SNRK: variants seen among roughly 807,000 people sequenced by gnomAD.
SNRK encodes the protein SNF related kinase.
SNRK carries 3 observed loss-of-function variants against 48.2 expected under a neutral mutation model. The observed-to-expected ratio is 0.06, with a 90% CI of 0.03 to 0.16. The LOEUF (loss-of-function observed/expected upper bound fraction) is 0.16. Among genes scored for constraint, SNRK ranks in the 10% least tolerant of loss-of-function variants. The probability of loss-of-function intolerance (pLI) is 1.00; values close to 1 mark genes in which losing one functional copy is unlikely to be tolerated. For missense variants in SNRK, 627 were observed against 976.0 expected (o/e 0.64, Z 4.76); for synonymous variants, 376 against 366.1 (o/e 1.03, Z -0.31).
At chr3:43,294,738 T>C (rs995922401) in intron 1 of SNRK, among the ~76,000 whole-genome samples, 87 of 151,930 alleles carry the variant, frequency 5.7e-4, no homozygotes, top group Admixed American at 1.6e-3. Flanking sequence ...TTTTTTTTTT[T>C]CTGTTCCACA....
chr3:43,337,078 T>C (rs2091195468), intron 4 of SNRK, among the ~76,000 whole-genome samples: 1 of 151,166 alleles, frequency 6.6e-6, no homozygotes, highest in Admixed American at 6.6e-5. Context: ...ATACCTTTTT[T>C]TTCTATTTTT....
intron 1 of SNRK, among the ~76,000 whole-genome samples, chr3:43,288,221 T>G (rs909866739): frequency 4.6e-5 from 7 of 152,200 alleles, no homozygotes; most frequent in African/African-American, 1.4e-4. Context: ...CAGGAAACTT[T>G]CAGTGCCACC....
At chr3:43,312,237 A>G (rs1040630162) in intron 3 of SNRK, among the ~76,000 whole-genome samples, 1 of 152,214 alleles carries the variant, frequency 6.6e-6, no homozygotes, top group African/African-American at 2.4e-5. Flanking sequence ...ACATGGCTCC[A>G]TATGGATACA....
At chr3:43,340,661 A>G (rs961139534) in intron 5 of SNRK, 162 bp downstream of exon 5, 4 of 665,412 alleles carry the variant, frequency 6.0e-6, no homozygotes, top group Admixed American at 3.0e-5. Context: ...AGGGCCTGAC[A>G]CAGGTTTTTT....
chr3:43,311,240 T>C (rs1019343441), intron 3 of SNRK, among the ~76,000 whole-genome samples: 8 of 152,308 alleles, frequency 5.3e-5, no homozygotes, highest in African/African-American at 1.7e-4. Flanking sequence ...TGTAGAATTA[T>C]AAGGTAGGAA....
At chr3:43,343,077 AACTC>A (rs2091249819) in intron 5 of SNRK, among the ~76,000 whole-genome samples, 1 of 152,190 alleles carries the variant, frequency 6.6e-6, no homozygotes. Flanking sequence ...ACTGACGTCT[AACTC>A]AGCTGCTGTT....
At chr3:43,299,456 G>A (rs988288805) in intron 1 of SNRK, among the ~76,000 whole-genome samples, 3 of 152,148 alleles carry the variant, frequency 2.0e-5, no homozygotes, top group East Asian at 1.9e-4. Context: ...GATTACAGGC[G>A]TGAGCCACCG....
chr3:43,328,799 T>A (rs750694892), intron 3 of SNRK, among the ~76,000 whole-genome samples: 3 of 152,166 alleles, frequency 2.0e-5, no homozygotes, highest in Non-Finnish European at 4.4e-5. Flanking sequence ...GTTTCCCACA[T>A]CTGTTTCACT....
chr3:43,287,447 C>A (rs2090775282), intron 1 of SNRK, among the ~76,000 whole-genome samples: 1 of 152,124 alleles, frequency 6.6e-6, no homozygotes, highest in Non-Finnish European at 1.5e-5. Context: ...CGCATACAGT[C>A]CAGTAGTTTC....
At chr3:43,298,327 CAG>C (rs755249464) in intron 1 of SNRK, among the ~76,000 whole-genome samples, 29 of 152,208 alleles carry the variant, frequency 1.9e-4, no homozygotes, top group East Asian at 3.9e-4. Context: ...AGGGATGAAA[CAG>C]GGGCTGCTGG....
chr3:43,332,476 G>C (rs2091153663), intron 4 of SNRK, 166 bp downstream of exon 4: 2 of 402,012 alleles, frequency 5.0e-6, no homozygotes, highest in African/African-American at 4.1e-5. Flanking sequence ...AGAGTGTTCG[G>C]TCGGCGGGGG....
intron 3 of SNRK, among the ~76,000 whole-genome samples, chr3:43,322,528 A>C (rs1184257653): frequency 6.6e-6 from 1 of 152,170 alleles, no homozygotes; most frequent in Non-Finnish European, 1.5e-5. Context: ...TCAATGACAA[A>C]CTCCCCTATA....
At chr3:43,290,693 A>G (rs899441616) in intron 1 of SNRK, among the ~76,000 whole-genome samples, 1 of 152,202 alleles carries the variant, frequency 6.6e-6, no homozygotes, top group African/African-American at 2.4e-5. Flanking sequence ...CTGCCAGAGT[A>G]ATTTGTTAAA....
intron 1 of SNRK, among the ~76,000 whole-genome samples, chr3:43,296,417 T>TATATATATAC (rs1339143180): frequency 7.8e-6 from 1 of 129,008 alleles, no homozygotes; most frequent in Non-Finnish European, 1.5e-5. Flanking sequence ...TATACTGGCA[T>TATATATATAC]ATATATATAT....
intron 1 of SNRK, among the ~76,000 whole-genome samples, chr3:43,293,276 A>G (rs1018196431): frequency 8.6e-5 from 13 of 151,962 alleles, no homozygotes; most frequent in Admixed American, 8.5e-4. Context: ...TGGGCTGCAT[A>G]CCCTCTTTCT....
At chr3:43,314,685 C>T (rs1419058038) in intron 3 of SNRK, among the ~76,000 whole-genome samples, 1 of 152,098 alleles carries the variant, frequency 6.6e-6, no homozygotes, top group East Asian at 1.9e-4. Context: ...ATCACTCCTG[C>T]TTGTAAGATA....
In SNRK at chr3:43,347,601, G is replaced by A. The variant is rs748036941; in HGVS notation, c.1342G>A (p.Asp448Asn). The part of the protein sequence containing the change: ...GRKCLFRVEE[D>N]EEEDEEDKKP... ...GAAGTGTCTGTTCAGGGTGGAAGAA[G>A]ATGAAGAGGAAGATGAGGAGGACAA... The change falls in exon 7 of 7, where the codon GAT becomes AAT. Residue 448 changes from aspartate to asparagine, a missense_variant. Around this residue, in one of 4 missense-constraint regions of SNRK, gnomAD observed 175 missense variants for 209.7 expected, o/e 0.83. Transcript: ENST00000296088. The surrounding 1 kb of genome is among the most constrained non-coding windows in gnomAD (Gnocchi z 5.4). 1.2e-6 allele frequency: 2 copies of A among 1,614,006 alleles called. No homozygotes were observed. The highest frequency in any genetic ancestry group is 3.3e-5 in the Admixed American group (2 of 60,012).
intron 3 of SNRK, among the ~76,000 whole-genome samples, chr3:43,312,955 A>G (rs186895022): frequency 1.4e-3 from 218 of 152,354 alleles, no homozygotes; most frequent in African/African-American, 3.6e-3. Context: ...TGGAATAAAC[A>G]TACTACAGAT....
intron 1 of SNRK, among the ~76,000 whole-genome samples, chr3:43,299,301 C>T (rs144855693): frequency 6.6e-6 from 1 of 152,126 alleles, no homozygotes; most frequent in Non-Finnish European, 1.5e-5. Flanking sequence ...CCTCAGTCTC[C>T]TGAGTAGCTG....
Sources: allele counts gnomAD v4.1 joint callset (sites outside exome capture counted in the v4.1 genomes callset), GRCh38; gene constraint gnomAD v4.1.1; regional missense constraint gnomAD v4.1.1; non-coding constraint Gnocchi (gnomAD v3.1); transcripts MANE v1.5; gene names NCBI Gene and HGNC (gene_info 2026-07-23, HGNC 2026-07-21).